Variants in KCTD15 observed in about 807,000 individuals in gnomAD.
The protein encoded by KCTD15 is BTB/POZ domain-containing protein KCTD15.
KCTD15 carries 11 observed loss-of-function variants against 27.2 expected under a neutral mutation model. That is an observed-to-expected ratio of 0.41 (90% CI 0.25 to 0.67). The LOEUF (loss-of-function observed/expected upper bound fraction) is 0.67. Ranked by LOEUF, KCTD15 falls within the 30% of genes least tolerant of loss-of-function variation. KCTD15 has a pLI of 0.35. For synonymous variants in KCTD15, 163 were observed against 176.0 expected (o/e 0.93, Z 0.58); for missense variants, 350 against 409.3 (o/e 0.86, Z 1.25).
At chr19:33,812,552 GGGTC>G (rs1424370883) in intron 6 of KCTD15, 4 of 1,262,762 alleles carry the variant, frequency 3.2e-6, no homozygotes, top group African/African-American at 1.5e-5. Context: ...GGCCTGGGTG[GGGTC>G]GTCCAACTAG....
chr19:33,794,311 A>T (rs1290653190), upstream of KCTD15, among the ~76,000 whole-genome samples: 1 of 152,248 alleles, frequency 6.6e-6, no homozygotes, highest in South Asian at 2.1e-4. Context: ...CGTCCTTGAC[A>T]TGTACCTTGC....
intron 6 of KCTD15, chr19:33,812,379 G>A: frequency 9.7e-7 from 1 of 1,029,798 alleles, no homozygotes; most frequent in Non-Finnish European, 1.2e-6. Flanking sequence ...ATGCCTAGAG[G>A]CTGAAGGACA....
chr19:33,808,338 C>T (rs1408715563), intron 5 of KCTD15, among the ~76,000 whole-genome samples: 1 of 152,210 alleles, frequency 6.6e-6, no homozygotes, highest in Non-Finnish European at 1.5e-5. Flanking sequence ...CAACACTTAA[C>T]AGTCTAGCGG....
chr19:33,801,424 T>G, intron 4 of KCTD15, 82 bp downstream of exon 4: 1 of 1,212,682 alleles, frequency 8.2e-7, no homozygotes, highest in Non-Finnish European at 1.1e-6. Flanking sequence ...GTGGGGTCTC[T>G]CCCCACTGTC....
chr19:33,812,382 G>T (rs1975952444), intron 6 of KCTD15: 3 of 1,031,500 alleles, frequency 2.9e-6, no homozygotes, highest in Non-Finnish European at 3.5e-6. Context: ...CCTAGAGGCT[G>T]AAGGACAGGG....
chr19:33,800,536 G>T lies in KCTD15; in HGVS notation c.66+16G>T. 6.3e-7 allele frequency: 1 copy of T among 1,578,134 alleles called. No individual in the cohort carries two copies. Among genetic ancestry groups the T allele is most frequent in the East Asian group, 2.3e-5 (1 of 43,366 alleles). On this transcript the variant is annotated intron_variant, in intron 3 of 6. Transcript: ENST00000683859. ...CGGCACCGCGGTGAGCCTGCAGGGTGGGCTGGGTCCCTGCCGGGAGTTCCC... is the reference window on the plus strand; with the variant it reads ...CGGCACCGCGGTGAGCCTGCAGGGTTGGCTGGGTCCCTGCCGGGAGTTCCC...
At position 33,796,874 on chromosome 19, in the gene KCTD15, C is replaced by T; in HGVS notation, c.-240C>T. The T allele has an allele frequency of 6.6e-6, 1 of 151,506 alleles. No homozygotes were observed. The highest frequency in any genetic ancestry group is 2.0e-4 in the East Asian group (1 of 5,038). 9.4% of individuals were successfully genotyped at this position (151,506 alleles called of 1,614,324 possible). On this transcript the variant is annotated 5_prime_UTR_variant, in exon 1 of 7. It adds an upstream start codon to the 5' untranslated region. Coordinates refer to ENST00000683859, the MANE Select transcript of KCTD15 (RefSeq NM_001129994.2). Reference sequence around the variant, plus strand: ...GGCGAGAGAGAAAGTAACTCCAGGACGAGACCGGAGCGACCCGCGCAGCGA... The same window carrying T: ...GGCGAGAGAGAAAGTAACTCCAGGATGAGACCGGAGCGACCCGCGCAGCGA...
upstream of KCTD15, among the ~76,000 whole-genome samples, chr19:33,795,733 CG>C (rs1975299835): frequency 1.3e-5 from 2 of 152,072 alleles, no homozygotes; most frequent in Non-Finnish European, 2.9e-5. Flanking sequence ...GAGGAAGGGG[CG>C]GCCGAAGCGG....
At chr19:33,812,003 C>A in intron 6 of KCTD15, 1 of 1,461,682 alleles carries the variant, frequency 6.8e-7, no homozygotes, top group Non-Finnish European at 9.0e-7. Flanking sequence ...ACCGGCTCTT[C>A]CTGGATGGGT....
rs1975907997 is a variant in KCTD15 at position 33,811,394 on chromosome 19, G to A, written c.535G>A (p.Glu179Lys). ...GGTGCGCGTCACGCCCGACTTGGGC[G>A]AGCGGATCGCACTCAGCGGCGAGAA... ...LVVRVTPDLG[E>K]RIALSGEKAL... Residue 179 changes from glutamate (E) to lysine (K), a missense_variant, in exon 6 of 7, where the codon GAG (glutamate) becomes AAG (lysine). Physicochemically the swap from Glu to Lys is moderately conservative, Grantham distance 56 (BLOSUM62 1). Coordinates refer to ENST00000683859, the MANE Select transcript of KCTD15 (RefSeq NM_001129994.2). The A allele has an allele frequency of 2.5e-6, 4 of 1,605,196 alleles. No homozygotes were observed. The highest frequency in any genetic ancestry group is 3.4e-6 in the Non-Finnish European group (4 of 1,176,460).
chr19:33,811,136 G>A, intron 5 of KCTD15, 111 bp from the exon 6 acceptor site: 1 of 892,442 alleles, frequency 1.1e-6, no homozygotes, highest in Non-Finnish European at 1.7e-6. Context: ...TACCCTGCGA[G>A]TCGCAGTTCC....
intron 5 of KCTD15, 56 bp from the exon 6 acceptor site, chr19:33,811,191 T>C (rs1975893788): frequency 4.9e-5 from 30 of 614,870 alleles, no homozygotes; most frequent in East Asian, 1.1e-4. Context: ...CTCTCCCCCT[T>C]CCCCCACCAC....
At position 33,798,708 on chromosome 19, in the gene KCTD15, GCTTGTTGGGAGAAAC is replaced by G. The variant is rs1225862847; in HGVS notation, c.-81_-67del. The stretch of plus-strand genomic sequence containing the variant: ...GAGGGTCGTGGTCCCGCACGGATGC[GCTTGTTGGGAGAAAC>G]CTTGGAGATTCACGGCAAGGCGTAA... On this transcript the variant is annotated 5_prime_UTR_variant, in exon 2 of 7. Coordinates refer to ENST00000683859, the MANE Select transcript of KCTD15 (RefSeq NM_001129994.2). 5 of 152,650 alleles carry G rather than the reference GCTTGTTGGGAGAAAC, an allele frequency of 3.3e-5. No homozygotes were observed. Among genetic ancestry groups the G allele is most frequent in the African/African-American group, 1.2e-4 (5 of 41,446 alleles). The allele number at this position is 152,650 out of a possible 1,614,324, so 9.5% of individuals were successfully genotyped here.
Position 33,813,255 on chromosome 19 carries a change from G to A in KCTD15, c.*307G>A, listed in dbSNP as rs375075614. 1.8e-5 allele frequency: 11 copies of A among 615,846 alleles called. No homozygotes were observed. The highest frequency in any genetic ancestry group is 1.1e-4 in the African/African-American group (6 of 55,374). The allele number at this position is 615,846 out of a possible 1,614,324, so 38.1% of individuals were successfully genotyped here. On this transcript the variant is annotated 3_prime_UTR_variant, in exon 7 of 7. Coordinates refer to ENST00000683859, the MANE Select transcript of KCTD15 (RefSeq NM_001129994.2). ...CTGAGGCCCCGGGGCCTGTTGGGGC[G>A]GGGTTGGAAGAGCCGTCTGCAGCTA...
intron 4 of KCTD15, among the ~76,000 whole-genome samples, chr19:33,802,125 GC>G (rs1000688016): frequency 5.9e-5 from 9 of 152,178 alleles, no homozygotes; most frequent in Non-Finnish European, 1.3e-4. Context: ...TGAGGGACCT[GC>G]TTTCCCCGTT....
chr19:33,795,473 T>A (rs1266815554), upstream of KCTD15, among the ~76,000 whole-genome samples: 5 of 151,698 alleles, frequency 3.3e-5, no homozygotes, highest in East Asian at 9.7e-4. Context: ...CTAGGGGGCG[T>A]CCAGGCCCGG....
chr19:33,811,533 G>T lies in KCTD15; in HGVS notation c.674G>T (p.Cys225Phe). ...HVIRFPLNGY[C>F]RLNSVQVLER... is the part of the protein sequence containing the mutation. ...ATCCGCTTCCCGCTCAATGGCTACT[G>T]CCGGCTCAACTCGGTACAGGTGAGG... Residue 225 changes from cysteine to phenylalanine, a missense_variant, in exon 6 of 7, where the codon TGC becomes TTC. By Grantham distance (205) the Cys-to-Phe change is radical. Transcript: ENST00000683859. 1.2e-6 allele frequency: 2 copies of T among 1,607,336 alleles called. No homozygotes were observed. The highest frequency in any genetic ancestry group is 1.1e-5 in the South Asian group (1 of 90,648).
chr19:33,800,617 C>G, intron 3 of KCTD15, 97 bp downstream of exon 3: 10 of 1,107,132 alleles, frequency 9.0e-6, no homozygotes, highest in South Asian at 1.3e-5. Flanking sequence ...GGGACCATGA[C>G]ACTCCAGGTG....
Position 33,806,951 on chromosome 19 carries a change from C to T in KCTD15, c.331C>T (p.Arg111Cys), listed in dbSNP as rs757755499. 5.6e-6 allele frequency: 9 copies of T among 1,614,034 alleles called. No individual in the cohort carries two copies. The highest frequency in any genetic ancestry group is 1.3e-5 in the African/African-American group (1 of 74,922). ...YFIDRDGEIF[R>C]YVLSFLRTSK... ...CATTGACCGGGATGGGGAGATTTTCCGCTACGTCCTGAGCTTCCTGCGGAC... is the reference window on the plus strand; with the variant it reads ...CATTGACCGGGATGGGGAGATTTTCTGCTACGTCCTGAGCTTCCTGCGGAC... Residue 111 changes from arginine to cysteine, a missense_variant, in exon 5 of 7, where the codon CGC (arginine) becomes TGC (cysteine). By Grantham distance (180) the Arg-to-Cys change is radical. Coordinates refer to ENST00000683859, the MANE Select transcript of KCTD15 (RefSeq NM_001129994.2).
Sources: gnomAD v4.1 joint callset for allele counts (sites outside exome capture counted in the v4.1 genomes callset) on GRCh38, gnomAD v4.1.1 for gene constraint, MANE v1.5 for transcripts, NCBI Gene and HGNC (gene_info 2026-07-23, HGNC 2026-07-21) for gene names.